Variants in USP9Y observed in about 807,000 individuals in gnomAD.
USP9Y encodes the protein ubiquitin carboxyl-terminal hydrolase 9Y.
A neutral mutation model predicts 53.1 loss-of-function variants in USP9Y; 41 were observed. The observed-to-expected ratio is 0.77, with a 90% confidence interval of 0.60 to 1.00. USP9Y has a LOEUF of 1.00. Among genes scored for constraint, USP9Y ranks in the 50% least tolerant of loss-of-function variants. The pLI is 0.00. For synonymous variants in USP9Y, 220 were observed against 173.7 expected (o/e 1.27, Z -2.09); for missense variants, 567 against 535.8 (o/e 1.06, Z -0.58).
At chrY:12,733,075 T>C (rs2053448365) in intron 7 of USP9Y, among the ~76,000 whole-genome samples, 1 of 29,354 alleles carries the variant, frequency 3.4e-5, no homozygotes, top group Admixed American at 3.2e-4. Flanking sequence ...TGCACCACCA[T>C]GCCCAGCTAG....
intron 33 of USP9Y, among the ~76,000 whole-genome samples, chrY:12,819,172 CAATCTT>C (rs2053538827): frequency 3.0e-5 from 1 of 33,880 alleles, no homozygotes; most frequent in African/African-American, 1.1e-4. Context: ...AGAGGAAACT[CAATCTT>C]AATAAAAAAT....
chrY:12,830,626 A>G (rs756387792), intron 33 of USP9Y, among the ~76,000 whole-genome samples: 21 of 33,705 alleles, frequency 6.2e-4, no homozygotes, highest in African/African-American at 2.4e-3. Flanking sequence ...AAAAACTCTG[A>G]GCAAGCATAT....
intron 34 of USP9Y, among the ~76,000 whole-genome samples, chrY:12,837,032 C>T: frequency 3.0e-5 from 1 of 32,946 alleles, no homozygotes; most frequent in East Asian, 8.0e-4. Context: ...CCAGGCTGGG[C>T]ACGATGGCTC....
chrY:12,725,435 C>T, intron 6 of USP9Y, among the ~76,000 whole-genome samples: 1 of 33,540 alleles, frequency 3.0e-5, no homozygotes, highest in Non-Finnish European at 7.4e-5. Context: ...ATTTCAACAA[C>T]CTTGTAACCT....
At chrY:12,716,677 C>T (rs2053430941) in intron 3 of USP9Y, among the ~76,000 whole-genome samples, 2 of 33,725 alleles carry the variant, frequency 5.9e-5, no homozygotes, top group Non-Finnish European at 1.5e-4. Context: ...CATCTCAGCT[C>T]ACTGGAAGCT....
In USP9Y at chrY:12,720,702, T is replaced by C. The variant is rs763523049; in HGVS notation, c.210T>C (p.His70=). ...QHEDEEPAFP[H]TELANLDDMI... ...AAGATGAAGAGCCTGCATTTCCACA[T>C]ACTGAGCTGGCAAACCTGGATGACA... The change falls in exon 4 of 46, where the codon CAT becomes CAC. Residue 70 remains histidine, a synonymous_variant. Coordinates refer to ENST00000338981, the MANE Select transcript of USP9Y (RefSeq NM_004654.4). 2.5e-6 allele frequency: 1 copy of C among 398,822 alleles called. No homozygotes were observed. Among genetic ancestry groups the C allele is most frequent in the Admixed American group, 7.4e-5 (1 of 13,522 alleles).
Position 12,818,574 on chromosome Y carries a change from A to G in USP9Y, c.4985A>G (p.Gln1662Arg). The part of the protein sequence containing the change: ...IFGHLAASQL[Q>R]YYVPRGFWKQ... ...GGTCATTTAGCTGCTTCCCAACTACAATACTATGTACCCAGAGGATTTTGG... is the reference window on the plus strand; with the variant it reads ...GGTCATTTAGCTGCTTCCCAACTACGATACTATGTACCCAGAGGATTTTGG... The change falls in exon 33 of 46, where the codon CAA (glutamine) becomes CGA (arginine). Residue 1662 changes from glutamine (Q) to arginine (R), a missense_variant. Transcript: ENST00000338981. 1 of 396,202 alleles carries G rather than the reference A, an allele frequency of 2.5e-6. No homozygotes were observed. Among genetic ancestry groups the G allele is most frequent in the African/African-American group, 6.4e-5 (1 of 15,553 alleles).
chrY:12,720,611 A>G lies in USP9Y; in HGVS notation c.119A>G (p.Asn40Ser). The change falls in exon 4 of 46, where the codon AAT becomes AGT. Residue 40 changes from asparagine to serine, a missense_variant. Transcript: ENST00000338981. ...QNQTSSPDSS[N>S]ENSVATPPPE... ...AAGACTTCATCACCTGATTCTTCCA[A>G]TGAGAATTCCGTAGCAACTCCTCCT... 1 of 397,184 alleles carries G rather than the reference A, an allele frequency of 2.5e-6. No homozygotes were observed. The highest frequency in any genetic ancestry group is 9.3e-5 in the East Asian group (1 of 10,805).
At chrY:12,709,023 C>T in intron 2 of USP9Y, among the ~76,000 whole-genome samples, 1 of 33,367 alleles carries the variant, frequency 3.0e-5, no homozygotes, top group Non-Finnish European at 7.4e-5. Flanking sequence ...AAGTCTGCCT[C>T]CCAGGTACAA....
chrY:12,751,005 A>AT (rs2053463843), intron 12 of USP9Y, among the ~76,000 whole-genome samples: 14 of 26,905 alleles, frequency 5.2e-4, no homozygotes, highest in Admixed American at 1.7e-3. Flanking sequence ...TTTTTTATTT[A>AT]TTTTTTTTTT....
intron 12 of USP9Y, among the ~76,000 whole-genome samples, chrY:12,744,322 T>G: frequency 2.7e-4 from 9 of 33,870 alleles, no homozygotes; most frequent in Admixed American, 1.1e-3. Context: ...CCACTTCTCT[T>G]CTTGATATAA....
intron 27 of USP9Y, chrY:12,801,853 T>C (rs2053519532): frequency 2.9e-5 from 1 of 34,082 alleles, no homozygotes; most frequent in Non-Finnish European, 7.3e-5. Context: ...CTAGTCCTGC[T>C]TCCAAGTGTT....
chrY:12,795,970 C>A (rs1048421576), intron 27 of USP9Y, among the ~76,000 whole-genome samples: 1 of 33,447 alleles, frequency 3.0e-5, no homozygotes, highest in Non-Finnish European at 7.4e-5. Context: ...CGCTCTGGTT[C>A]GAATACCTGT....
intron 42 of USP9Y, among the ~76,000 whole-genome samples, chrY:12,848,549 T>C (rs2053569160): frequency 3.0e-5 from 1 of 33,682 alleles, no homozygotes; most frequent in Non-Finnish European, 7.3e-5. Context: ...ATCTCCTGAA[T>C]GGTATTGCCT....
intron 22 of USP9Y, among the ~76,000 whole-genome samples, chrY:12,783,229 A>G (rs2053499513): frequency 2.9e-5 from 1 of 33,931 alleles, no homozygotes; most frequent in Non-Finnish European, 7.3e-5. Context: ...TAAGAGATCC[A>G]GCTCTCAGCC....
Position 12,736,252 on chromosome Y carries a change from A to G in USP9Y, c.1025+3A>G. ...TTTAGGTTAAAGATGATACTCAGGT[A>G]AGATATTTTCCACCTTAAATTATTT... On this transcript the variant is annotated splice_donor_region_variant and intron_variant, in intron 9 of 45. Coordinates refer to ENST00000338981, the MANE Select transcript of USP9Y (RefSeq NM_004654.4). 2.6e-6 allele frequency: 1 copy of G among 378,960 alleles called. No individual in the cohort carries two copies. 94.5% of individuals were successfully genotyped at this position (378,960 alleles called of 400,897 possible). A position where few individuals can be genotyped will look rare whatever the true frequency, so the allele number is the denominator to read the frequency against.
chrY:12,802,722 CTTTTTTTCT>C (rs2053520338), intron 27 of USP9Y: 2 of 27,144 alleles, frequency 7.4e-5, no homozygotes, highest in Non-Finnish European at 1.8e-4. Flanking sequence ...AATAAGCTTT[CTTTTTTTCT>C]TTTTTTTCTT....
Position 12,836,718 on chromosome Y carries a change from C to T in USP9Y, c.5196-1193C>T, listed in dbSNP as rs199520461. Reference sequence around the variant, plus strand: ...GATGTATTCATTATTACTTTTGAAACGGAGTCTTGTTCTGTCTCCCAGACA... The same window carrying T: ...GATGTATTCATTATTACTTTTGAAATGGAGTCTTGTTCTGTCTCCCAGACA... On this transcript the variant is annotated intron_variant, in intron 34 of 45. Transcript: ENST00000338981. Among the ~76,000 whole-genome samples, 316 of 33,419 alleles carry T rather than the reference C, an allele frequency of 9.5e-3. No homozygotes were observed. In the East Asian group the frequency reaches 0.23, roughly 25 times the overall value. 89.7% of individuals were successfully genotyped at this position (33,419 alleles called of 37,273 possible).
chrY:12,840,683 G>A, intron 36 of USP9Y, 69 bp downstream of exon 36: 2 of 289,699 alleles, frequency 6.9e-6, no homozygotes. Context: ...ACCTTACAGG[G>A]CATCAAATGT....
Sources: allele counts gnomAD v4.1 joint callset (sites outside exome capture counted in the v4.1 genomes callset), GRCh38; gene constraint gnomAD v4.1.1; transcripts MANE v1.5; gene names NCBI Gene and HGNC (gene_info 2026-07-23, HGNC 2026-07-21).